The following NUP210 variants were observed in gnomAD, a reference collection of about 807,000 sequenced individuals.
NUP210 encodes the protein nuclear pore membrane glycoprotein 210.
Under a neutral mutation model 196.0 loss-of-function variants are expected in NUP210, and 151 were observed. The observed-to-expected ratio is 0.77, with a 90% CI of 0.67 to 0.88. The LOEUF (loss-of-function observed/expected upper bound fraction) is 0.88. Among genes scored for constraint, NUP210 ranks in the 40% least tolerant of loss-of-function variants. NUP210 has a pLI of 0.00. For missense variants in NUP210, 2,314 were observed against 2,493.7 expected (o/e 0.93, Z 1.53); for synonymous variants, 1,070 against 1,052.7 (o/e 1.02, Z -0.32).
chr3:13,329,834 G>A (rs1468126577), intron 30 of NUP210, among the ~76,000 whole-genome samples: 3 of 152,180 alleles, frequency 2.0e-5, no homozygotes, highest in South Asian at 2.1e-4. Context: ...AACACAGAAC[G>A]GCAGAGGGCA....
chr3:13,414,244 C>T lies in NUP210; in HGVS notation c.167+5816G>A, dbSNP rs545361671. On this transcript the variant is annotated intron_variant, in intron 1 of 39. Coordinates refer to ENST00000254508, the MANE Select transcript of NUP210 (RefSeq NM_024923.4). ...CCGCGGGGTCCAGCCCCTAACGGTG[C>T]CCAAAGGCAGTGTCTACAGAGCGGA... 1.3e-3 allele frequency among the ~76,000 whole-genome samples: 195 copies of T among 152,384 alleles called. 1 individual carries two copies. Among genetic ancestry groups the T allele is most frequent in the Non-Finnish European group, 1.9e-3 (130 of 68,042 alleles).
In NUP210 at chr3:13,418,790, AAAAC is replaced by A. The variant is rs375003927; in HGVS notation, c.167+1266_167+1269del. On this transcript the variant is annotated intron_variant, in intron 1 of 39. Coordinates refer to ENST00000254508, the MANE Select transcript of NUP210 (RefSeq NM_024923.4). ...GCAACAAGGGCTGGAGTGCACTCTA[AAAAC>A]AAACAAACAAACAAACAAAATTAGC... 2.3e-3 allele frequency among the ~76,000 whole-genome samples: 342 copies of A among 151,596 alleles called. 4 individuals are homozygous for A. Among genetic ancestry groups the A allele is most frequent in the African/African-American group, 6.5e-3 (267 of 41,314 alleles).
rs1553605356 is a variant in NUP210 at position 13,412,247 on chromosome 3, T to TTTTTTTTTTTTTA, written c.167+7812_167+7813insTAAAAAAAAAAAA. 7.4e-5 allele frequency among the ~76,000 whole-genome samples: 10 copies of TTTTTTTTTTTTTA among 135,678 alleles called. 1 individual carries two copies. The highest frequency in any genetic ancestry group is 2.0e-4 in the African/African-American group (6 of 30,706). 89.0% of individuals were successfully genotyped at this position (135,678 alleles called of 152,430 possible). Reference sequence around the variant, plus strand: ...TTTCCTTTTCTTTTTTTTTTTTTTTTAGTAGAGACAGGGTTTCGCTATGTT... The same window carrying TTTTTTTTTTTTTA: ...TTTCCTTTTCTTTTTTTTTTTTTTTTTTTTTTTTTTTTAAGTAGAGACAGGGTTTCGCTATGTT... On this transcript the variant is annotated intron_variant, in intron 1 of 39. Transcript: ENST00000254508.
chr3:13,334,501 A>G (rs1697129125), intron 28 of NUP210, among the ~76,000 whole-genome samples: 1 of 152,002 alleles, frequency 6.6e-6, no homozygotes, highest in African/African-American at 2.4e-5. Flanking sequence ...TCTTTCTTGA[A>G]AAGTTTGCTT....
intron 1 of NUP210, among the ~76,000 whole-genome samples, chr3:13,406,892 G>A (rs9878195): frequency 0.2 from 29,897 of 149,406 alleles, 4,402 homozygotes; most frequent in African/African-American, 0.42. Context: ...CGGGAGTGGT[G>A]CGTGTGGCTT....
intron 25 of NUP210, among the ~76,000 whole-genome samples, chr3:13,339,327 G>A (rs535408902): frequency 6.6e-6 from 1 of 152,284 alleles, no homozygotes; most frequent in South Asian, 2.1e-4. Flanking sequence ...TCTGAAACAG[G>A]TTTCTGTCCA....
intron 1 of NUP210, among the ~76,000 whole-genome samples, chr3:13,417,484 C>A (rs772707363): frequency 6.6e-6 from 1 of 152,156 alleles, no homozygotes; most frequent in African/African-American, 2.4e-5. Context: ...AGAGACTTAA[C>A]AATGAACTTT....
chr3:13,397,504 G>T lies in NUP210; in HGVS notation c.305-16C>A. 5.7e-6 allele frequency: 9 copies of T among 1,584,084 alleles called. No homozygotes were observed. Among genetic ancestry groups the T allele is most frequent in the Non-Finnish European group, 6.9e-6 (8 of 1,165,096 alleles). On this transcript the variant is annotated splice_polypyrimidine_tract_variant and intron_variant, in intron 2 of 39. Coordinates refer to ENST00000254508, the MANE Select transcript of NUP210 (RefSeq NM_024923.4). ...TGGCCTGTGGCTGGAGGAACCCCAGGAAGGGGTCAGCACCAAAGACAGTCC... is the reference window on the plus strand; with the variant it reads ...TGGCCTGTGGCTGGAGGAACCCCAGTAAGGGGTCAGCACCAAAGACAGTCC...
In NUP210 at chr3:13,343,274, G is replaced by A. The variant is rs984871776; in HGVS notation, c.2865C>T (p.Thr955=). 1.2e-6 allele frequency: 2 copies of A among 1,613,818 alleles called. No homozygotes were observed. The highest frequency in any genetic ancestry group is 2.2e-5 in the South Asian group (2 of 91,052). Residue 955 remains threonine, a synonymous_variant, in exon 21 of 40, where the codon ACC becomes ACT. Transcript: ENST00000254508. The part of the protein sequence containing the change: ...MVHPLLPGSS[T]IMIHDLCLVF... ...CGAGGCACAAGTCATGGATCATGATGGTGGATGAGCCCGGGAGCAAAGGGT... is the reference window on the plus strand; with the variant it reads ...CGAGGCACAAGTCATGGATCATGATAGTGGATGAGCCCGGGAGCAAAGGGT...
chr3:13,320,010 A>G, intron 36 of NUP210, 31 bp from the exon 37 acceptor site: 1 of 1,601,430 alleles, frequency 6.2e-7, no homozygotes, highest in Non-Finnish European at 8.5e-7. Context: ...GGGGGTGCAC[A>G]TTCTGCAGAG....
At chr3:13,331,027 G>A (rs939115272) in intron 29 of NUP210, among the ~76,000 whole-genome samples, 2 of 152,116 alleles carry the variant, frequency 1.3e-5, no homozygotes, top group African/African-American at 4.8e-5. Context: ...TGGCATAGTG[G>A]AGGATGGGGC....
intron 2 of NUP210, among the ~76,000 whole-genome samples, chr3:13,398,910 G>A (rs1030467892): frequency 6.6e-6 from 1 of 152,130 alleles, no homozygotes; most frequent in African/African-American, 2.4e-5. Flanking sequence ...TTTCAGCCTG[G>A]GTGACAGAGT....
At chr3:13,370,863 A>G (rs1277401970) in intron 13 of NUP210, among the ~76,000 whole-genome samples, 1 of 152,244 alleles carries the variant, frequency 6.6e-6, no homozygotes, top group African/African-American at 2.4e-5. Flanking sequence ...TGCCAGGATC[A>G]CATCGCTCTT....
At chr3:13,389,155 C>T (rs912882354) in intron 4 of NUP210, among the ~76,000 whole-genome samples, 1 of 152,246 alleles carries the variant, frequency 6.6e-6, no homozygotes, top group African/African-American at 2.4e-5. Context: ...GATTTATTTC[C>T]TCGCCTGGTT....
intron 16 of NUP210, among the ~76,000 whole-genome samples, chr3:13,357,211 T>C (rs1177382800): frequency 6.6e-6 from 1 of 152,208 alleles, no homozygotes; most frequent in Non-Finnish European, 1.5e-5. Context: ...ACTGAGCTCC[T>C]CCTATGAGCC....
chr3:13,342,699 G>A (rs1697561308), intron 21 of NUP210, among the ~76,000 whole-genome samples: 3 of 152,184 alleles, frequency 2.0e-5, no homozygotes. Flanking sequence ...GATATCTGGA[G>A]TAATAAAAAT....
At chr3:13,418,798 C>T (rs1039629496) in intron 1 of NUP210, among the ~76,000 whole-genome samples, 2 of 151,094 alleles carry the variant, frequency 1.3e-5, no homozygotes, top group Non-Finnish European at 3.0e-5. Flanking sequence ...TAAAAACAAA[C>T]AAACAAACAA....
rs779180637 is a variant in NUP210 at position 13,420,152 on chromosome 3, C to T, written c.75G>A (p.Ala25=). ...GCACTTTGGGGATGTTGAGCTTGGC[C>T]GCAGCGGCGGAGGGGCCCGCCGCCA... ...VLLAAGPSAA[A]AKLNIPKVLL... The change falls in exon 1 of 40, where the codon GCG becomes GCA. Residue 25 remains alanine, a synonymous_variant. Transcript: ENST00000254508. This position sits in a 1 kb window ranked among gnomAD's most constrained non-coding sequence, Gnocchi z 4.8. The T allele has an allele frequency of 6.1e-6, 8 of 1,311,616 alleles. No homozygotes were observed. In the African/African-American group the frequency reaches 1.1e-4, roughly 18 times the overall value. The allele number at this position is 1,311,616 out of a possible 1,614,324, so 81.2% of individuals were successfully genotyped here.
chr3:13,335,762 T>C, intron 27 of NUP210, 150 bp from the exon 28 acceptor site: 1 of 894,070 alleles, frequency 1.1e-6, no homozygotes, highest in Middle Eastern at 3.1e-4. Flanking sequence ...CCTGCCTGGG[T>C]TGGGTCTGCT....
Sources: gnomAD v4.1 joint callset for allele counts (sites outside exome capture counted in the v4.1 genomes callset) on GRCh38, gnomAD v4.1.1 for gene constraint, Gnocchi (gnomAD v3.1) non-coding constraint, MANE v1.5 for transcripts, NCBI Gene and HGNC (gene_info 2026-07-23, HGNC 2026-07-21) for gene names.